The following NLGN1 variants were observed in gnomAD, a reference collection of about 807,000 sequenced individuals.
NLGN1 encodes neuroligin 1, also known as neuroligin-1.
A neutral mutation model predicts 65.5 loss-of-function variants in NLGN1; 12 were observed. The ratio of observed to expected loss-of-function variants is 0.18; its 90% confidence interval spans 0.12 to 0.30. The LOEUF (loss-of-function observed/expected upper bound fraction) is 0.30. Ranked by LOEUF, NLGN1 falls within the 10% of genes least tolerant of loss-of-function variation. The pLI is 1.00. For missense variants in NLGN1, 750 were observed against 1,007.1 expected, an observed-to-expected ratio of 0.74 and a Z score of 3.46; for synonymous variants, 350 against 359.5, an observed-to-expected ratio of 0.97 and a Z score of 0.30.
chr3:174,149,758 G>T (rs1355135272), intron 4 of NLGN1, among the ~76,000 whole-genome samples: 2 of 152,002 alleles, frequency 1.3e-5, no homozygotes, highest in African/African-American at 4.8e-5. Flanking sequence ...ACACAGTAGA[G>T]ACTAAAGAAA....
chr3:174,124,586 TATATATACGTATAC>T (rs1718491917), intron 4 of NLGN1, among the ~76,000 whole-genome samples: 2 of 80,552 alleles, frequency 2.5e-5, no homozygotes, highest in African/African-American at 1.2e-4. Context: ...CATATATACG[TATATATACGTATAC>T]ATATATACGT....
intron 3 of NLGN1, among the ~76,000 whole-genome samples, chr3:173,769,343 C>G (rs901883): frequency 0.8 from 122,053 of 152,128 alleles, 49,669 homozygotes; most frequent in Non-Finnish European, 0.84. Context: ...CATTGTGTGA[C>G]TTCTATGCTC....
chr3:174,104,574 A>C (rs1308587320), intron 4 of NLGN1, among the ~76,000 whole-genome samples: 1 of 152,190 alleles, frequency 6.6e-6, no homozygotes, highest in East Asian at 1.9e-4. Flanking sequence ...GGAACATTAA[A>C]TGTAATCTAA....
chr3:173,590,274 A>G (rs889150967), intron 2 of NLGN1, among the ~76,000 whole-genome samples: 1 of 152,164 alleles, frequency 6.6e-6, no homozygotes, highest in African/African-American at 2.4e-5. Context: ...CACTTTACAC[A>G]TAAGTGACAG....
intron 2 of NLGN1, among the ~76,000 whole-genome samples, chr3:173,495,608 G>A (rs1729877786): frequency 6.9e-6 from 1 of 145,698 alleles, no homozygotes; most frequent in South Asian, 2.2e-4. Flanking sequence ...GATATTAGCT[G>A]TAGCATTTTC....
At chr3:173,800,604 T>C (rs947815653) in intron 3 of NLGN1, among the ~76,000 whole-genome samples, 2 of 151,794 alleles carry the variant, frequency 1.3e-5, no homozygotes, top group African/African-American at 4.8e-5. Context: ...TTTTTTGTTT[T>C]CTTGAACTGA....
At chr3:173,858,777 C>T (rs932932560) in intron 4 of NLGN1, among the ~76,000 whole-genome samples, 2 of 151,996 alleles carry the variant, frequency 1.3e-5, no homozygotes, top group African/African-American at 4.8e-5. Context: ...TGACCTAAAT[C>T]GCATAGATAG....
Position 173,643,713 on chromosome 3 carries a change from A to G in NLGN1, c.493+38622A>G, listed in dbSNP as rs372495860. ...TCCTAGTGACCTCTTTATGTTTGCA[A>G]CCAGGCTACCAGAGTTGGGGAAACA... On this transcript the variant is annotated intron_variant, in intron 3 of 6. Transcript: ENST00000457714. Among the ~76,000 whole-genome samples, 4 of 152,264 alleles carry G rather than the reference A, an allele frequency of 2.6e-5. No homozygotes were observed. The South Asian group carries it at 6.2e-4, about 24-fold the overall frequency.
At chr3:174,086,284 AAT>A (rs368979535) in intron 4 of NLGN1, among the ~76,000 whole-genome samples, 13 of 5,808 alleles carry the variant, frequency 2.2e-3, no homozygotes, top group Non-Finnish European at 4.9e-3. Context: ...TATGTGCATA[AAT>A]ATATATATAT....
At chr3:173,498,229 G>C (rs192378911) in intron 2 of NLGN1, among the ~76,000 whole-genome samples, 2 of 145,532 alleles carry the variant, frequency 1.4e-5, no homozygotes, top group Non-Finnish European at 3.0e-5. Context: ...AACAGTCCCC[G>C]GTGTGTGATG....
At chr3:174,217,280 T>TC (rs1220481879) in intron 4 of NLGN1, among the ~76,000 whole-genome samples, 2 of 152,128 alleles carry the variant, frequency 1.3e-5, no homozygotes, top group Non-Finnish European at 2.9e-5. Context: ...CCCATTCTAA[T>TC]CCAGTCTGAT....
At chr3:173,479,168 G>A (rs1444452251) in intron 2 of NLGN1, among the ~76,000 whole-genome samples, 1 of 152,094 alleles carries the variant, frequency 6.6e-6, no homozygotes, top group East Asian at 1.9e-4. Flanking sequence ...GGCATCATTT[G>A]AAGACATAAA....
chr3:173,444,849 TAC>T (rs904991577), intron 2 of NLGN1, among the ~76,000 whole-genome samples: 4 of 152,052 alleles, frequency 2.6e-5, no homozygotes, highest in African/African-American at 9.7e-5. Flanking sequence ...TGTATATATA[TAC>T]ACACATACTC....
chr3:173,636,104 A>C (rs1233364633), intron 3 of NLGN1, among the ~76,000 whole-genome samples: 1 of 152,166 alleles, frequency 6.6e-6, no homozygotes, highest in Non-Finnish European at 1.5e-5. Context: ...ATGAAAAGTA[A>C]GAAAAGAACT....
intron 4 of NLGN1, among the ~76,000 whole-genome samples, chr3:173,995,256 G>T (rs1017812324): frequency 2.6e-5 from 4 of 152,196 alleles, no homozygotes. Flanking sequence ...CTCAAGCCTA[G>T]TGAACTATTT....
chr3:173,571,684 C>CTGG (rs1167615815), intron 2 of NLGN1, among the ~76,000 whole-genome samples: 1 of 152,204 alleles, frequency 6.6e-6, no homozygotes. Context: ...ATGCATTAGG[C>CTGG]TGGAATATTA....
chr3:174,030,423 C>G (rs935648569), intron 4 of NLGN1, among the ~76,000 whole-genome samples: 1 of 152,260 alleles, frequency 6.6e-6, no homozygotes, highest in East Asian at 1.9e-4. Flanking sequence ...CTCGCCCAGC[C>G]AGCTATTCTT....
intron 1 of NLGN1, among the ~76,000 whole-genome samples, chr3:173,400,139 A>G (rs913213800): frequency 5.3e-5 from 8 of 152,194 alleles, no homozygotes; most frequent in Non-Finnish European, 1.2e-4. Flanking sequence ...TTTGAAGTGA[A>G]GTTTGCAGTC....
intron 4 of NLGN1, among the ~76,000 whole-genome samples, chr3:174,193,670 T>C (rs965802304): frequency 3.9e-5 from 6 of 152,218 alleles, no homozygotes; most frequent in Admixed American, 3.3e-4. Context: ...GGCAAAGTAG[T>C]GCAGATGGCC....
Sources: gnomAD v4.1 joint callset for allele counts (sites outside exome capture counted in the v4.1 genomes callset) on GRCh38, gnomAD v4.1.1 for gene constraint, MANE v1.5 for transcripts, NCBI Gene and HGNC (gene_info 2026-07-23, HGNC 2026-07-21) for gene names.